UNC5D: variants seen among roughly 807,000 people sequenced by gnomAD.
UNC5D encodes unc-5 netrin receptor D, also known as netrin receptor UNC5D.
UNC5D carries 39 observed loss-of-function variants against 105.4 expected under a neutral mutation model. The ratio of observed to expected loss-of-function variants is 0.37; its 90% CI spans 0.29 to 0.48. UNC5D has a LOEUF of 0.48. Among genes scored for constraint, UNC5D ranks in the 20% least tolerant of loss-of-function variants. The pLI is 0.98. For synonymous variants in UNC5D, 452 were observed against 450.4 expected, an observed-to-expected ratio of 1.00 and a Z score of -0.04; for missense variants, 991 against 1,202.4, an observed-to-expected ratio of 0.82 and a Z score of 2.60.
intron 13 of UNC5D, among the ~76,000 whole-genome samples, chr8:35,756,681 G>A (rs1289200850): frequency 6.6e-6 from 1 of 152,094 alleles, no homozygotes; most frequent in Non-Finnish European, 1.5e-5. Context: ...CATTAGCCAC[G>A]TGGCTTTAGG....
At chr8:35,268,871 T>G (rs1216377008) in intron 1 of UNC5D, among the ~76,000 whole-genome samples, 1 of 152,102 alleles carries the variant, frequency 6.6e-6, no homozygotes, top group Admixed American at 6.6e-5. Context: ...CTGTATGTAT[T>G]TTCTAAATAA....
At chr8:35,337,191 G>A (rs7826476) in intron 1 of UNC5D, among the ~76,000 whole-genome samples, 12,966 of 152,018 alleles carry the variant, frequency 0.085, 940 homozygotes, top group African/African-American at 0.2. Flanking sequence ...AGACATGGAC[G>A]TCTTCGATAT....
chr8:35,623,323 C>G (rs542899603), intron 4 of UNC5D, among the ~76,000 whole-genome samples: 31 of 152,254 alleles, frequency 2.0e-4, no homozygotes, highest in Non-Finnish European at 3.8e-4. Context: ...TGAGTAAAAT[C>G]TCTATTACTT....
chr8:35,378,030 G>A (rs1367697152), intron 1 of UNC5D, among the ~76,000 whole-genome samples: 2 of 151,924 alleles, frequency 1.3e-5, no homozygotes, highest in Non-Finnish European at 2.9e-5. Flanking sequence ...CAGTGATTAG[G>A]TGATTACAAA....
At chr8:35,537,195 A>G (rs1388970513) in intron 1 of UNC5D, among the ~76,000 whole-genome samples, 5 of 152,184 alleles carry the variant, frequency 3.3e-5, no homozygotes, top group African/African-American at 1.2e-4. Context: ...AGGTAAACAA[A>G]AATAGTAGAA....
Position 35,239,077 on chromosome 8 carries a change from G to A in UNC5D, c.103+3190G>A, listed in dbSNP as rs139201107. ...GTGCTCTTATTTTGAGCAGCCCAGTGGCACCTTCTTAAGAGATCTTTTAAG... is the reference window on the plus strand; with the variant it reads ...GTGCTCTTATTTTGAGCAGCCCAGTAGCACCTTCTTAAGAGATCTTTTAAG... On this transcript the variant is annotated intron_variant, in intron 1 of 16. Coordinates refer to ENST00000404895, the MANE Select transcript of UNC5D (RefSeq NM_080872.4). Among the ~76,000 whole-genome samples the A allele has an allele frequency of 1.1e-4, 17 of 152,206 alleles. No homozygotes were observed. The East Asian group carries it at 3.3e-3, about 30-fold the overall frequency.
chr8:35,280,232 G>T (rs529598210), intron 1 of UNC5D, among the ~76,000 whole-genome samples: 1 of 152,252 alleles, frequency 6.6e-6, no homozygotes, highest in African/African-American at 2.4e-5. Context: ...CTGAACTCAA[G>T]TGATCTGCCT....
At chr8:35,416,550 T>C (rs892672093) in intron 1 of UNC5D, among the ~76,000 whole-genome samples, 1 of 152,198 alleles carries the variant, frequency 6.6e-6, no homozygotes, top group African/African-American at 2.4e-5. Flanking sequence ...AGAATGGCCC[T>C]AAAAATATCT....
At chr8:35,730,915 G>A (rs1020931541) in intron 10 of UNC5D, 97 bp from the exon 11 acceptor site, 3 of 1,023,430 alleles carry the variant, frequency 2.9e-6, no homozygotes, top group Non-Finnish European at 4.4e-6. Context: ...CCATGAGAAA[G>A]TAGCTTGTTT....
At chr8:35,757,575 A>G (rs1374529542) in intron 13 of UNC5D, among the ~76,000 whole-genome samples, 2 of 152,124 alleles carry the variant, frequency 1.3e-5, no homozygotes, top group Admixed American at 6.6e-5. Context: ...GCATTCATGT[A>G]TGGTAATAGA....
At chr8:35,783,649 G>A (rs569614292) in intron 16 of UNC5D, among the ~76,000 whole-genome samples, 1 of 152,102 alleles carries the variant, frequency 6.6e-6, no homozygotes. Flanking sequence ...TAATCTCTTT[G>A]TTAACTGATG....
At chr8:35,450,603 A>G (rs1172182506) in intron 1 of UNC5D, among the ~76,000 whole-genome samples, 1 of 152,196 alleles carries the variant, frequency 6.6e-6, no homozygotes, top group East Asian at 1.9e-4. Context: ...ATTATAAAAT[A>G]TACTTCAAAC....
At position 35,235,500 on chromosome 8, in the gene UNC5D, G is replaced by T. The variant is rs1445384934; in HGVS notation, c.-285G>T. On this transcript the variant is annotated 5_prime_UTR_variant, in exon 1 of 17. Coordinates refer to ENST00000404895, the MANE Select transcript of UNC5D (RefSeq NM_080872.4). Reference sequence around the variant, plus strand: ...CCGTAGTTCGGGGCCCGGCAGCGGCGCGAGGGCTGGGAACTGCGCGGCGGG... The same window carrying T: ...CCGTAGTTCGGGGCCCGGCAGCGGCTCGAGGGCTGGGAACTGCGCGGCGGG... 2 of 303,244 alleles carry T rather than the reference G, an allele frequency of 6.6e-6. No homozygotes were observed. The highest frequency in any genetic ancestry group is 1.6e-4 in the South Asian group (1 of 6,228). 18.8% of individuals were successfully genotyped at this position (303,244 alleles called of 1,614,324 possible).
chr8:35,348,021 C>T (rs866157118), intron 1 of UNC5D, among the ~76,000 whole-genome samples: 2 of 151,876 alleles, frequency 1.3e-5, no homozygotes, highest in Admixed American at 1.3e-4. Context: ...AGTAGTACCT[C>T]TTTGTTTTGT....
intron 3 of UNC5D, among the ~76,000 whole-genome samples, chr8:35,572,085 G>A (rs1365747629): frequency 2.0e-5 from 3 of 151,936 alleles, no homozygotes; most frequent in Admixed American, 6.6e-5. Context: ...CTAGGAGTTC[G>A]AGACCAGCCT....
intron 4 of UNC5D, among the ~76,000 whole-genome samples, chr8:35,659,652 A>T (rs1230529999): frequency 6.6e-6 from 1 of 152,248 alleles, no homozygotes; most frequent in African/African-American, 2.4e-5. Context: ...ATGTGGAGGT[A>T]TGAACTCATG....
At chr8:35,708,554 C>T (rs936806352) in intron 8 of UNC5D, among the ~76,000 whole-genome samples, 9 of 152,258 alleles carry the variant, frequency 5.9e-5, no homozygotes, top group Admixed American at 2.6e-4. Flanking sequence ...ATGGCAAACA[C>T]GCACCCCTAG....
At chr8:35,729,034 G>A (rs528225028) in intron 10 of UNC5D, among the ~76,000 whole-genome samples, 27 of 152,246 alleles carry the variant, frequency 1.8e-4, no homozygotes, top group African/African-American at 6.5e-4. Context: ...CGTAGTATTT[G>A]CATGTTTGGG....
intron 1 of UNC5D, among the ~76,000 whole-genome samples, chr8:35,307,327 A>G (rs77205599): frequency 0.038 from 5,801 of 152,206 alleles, 156 homozygotes; most frequent in Non-Finnish European, 0.058. Context: ...ACTACTTTTT[A>G]CTGATTACAG....
Sources: gnomAD v4.1 joint callset for allele counts (sites outside exome capture counted in the v4.1 genomes callset) on GRCh38, gnomAD v4.1.1 for gene constraint, MANE v1.5 for transcripts, NCBI Gene and HGNC (gene_info 2026-07-23, HGNC 2026-07-21) for gene names.